Variants in FKBP6 observed in about 807,000 individuals in gnomAD.
FKBP6 encodes inactive peptidyl-prolyl cis-trans isomerase FKBP6.
FKBP6 carries 29 observed loss-of-function variants against 41.7 expected under a neutral mutation model. The observed-to-expected ratio is 0.70, with a 90% CI of 0.52 to 0.95. FKBP6 has a LOEUF of 0.95. FKBP6 is among the 40% of genes least tolerant of loss of function. The pLI, the probability that FKBP6 is intolerant of heterozygous loss-of-function variation, is 0.00. For synonymous variants in FKBP6, 130 were observed against 165.1 expected (o/e 0.79, Z 1.63); for missense variants, 338 against 408.7 (o/e 0.83, Z 1.49).
intron 5 of FKBP6, among the ~76,000 whole-genome samples, chr7:73,338,367 G>A (rs1554548889): frequency 6.6e-6 from 1 of 152,208 alleles, no homozygotes. Context: ...GGATGGCTCT[G>A]CTGCTTTTTG....
intron 5 of FKBP6, among the ~76,000 whole-genome samples, chr7:73,335,791 T>G (rs1804989433): frequency 6.6e-6 from 1 of 152,044 alleles, no homozygotes; most frequent in Non-Finnish European, 1.5e-5. Flanking sequence ...CCCTGAACCT[T>G]TGGGTTTATT....
chr7:73,349,664 A>C (rs1805434828), intron 8 of FKBP6, among the ~76,000 whole-genome samples: 1 of 147,344 alleles, frequency 6.8e-6, no homozygotes, highest in South Asian at 2.2e-4. Flanking sequence ...CAGTGAGGTC[A>C]GATTGCACCA....
chr7:73,353,131 A>T (rs1176446771), intron 8 of FKBP6, among the ~76,000 whole-genome samples: 1 of 151,550 alleles, frequency 6.6e-6, no homozygotes, highest in Non-Finnish European at 1.5e-5. Context: ...TGAATCTCTC[A>T]TTCAGCCCCT....
intron 5 of FKBP6, chr7:73,336,764 G>A (rs1554548601): frequency 6.6e-6 from 3 of 456,566 alleles, no homozygotes; most frequent in South Asian, 1.5e-5. Flanking sequence ...GTTAGGCACC[G>A]TGCTGGGTGT....
chr7:73,337,367 G>C (rs1407125375), intron 5 of FKBP6, among the ~76,000 whole-genome samples: 1 of 141,852 alleles, frequency 7.0e-6, no homozygotes, highest in East Asian at 2.2e-4. Context: ...AGGCTGGAGT[G>C]TACTGGCGCC....
intron 8 of FKBP6, among the ~76,000 whole-genome samples, chr7:73,351,003 A>G (rs946753159): frequency 1.3e-5 from 2 of 152,162 alleles, no homozygotes; most frequent in Non-Finnish European, 2.9e-5. Flanking sequence ...GAGTCTCTCA[A>G]AGTTACTTCG....
chr7:73,357,569 T>A (rs185742208), intron 8 of FKBP6, among the ~76,000 whole-genome samples: 1 of 152,120 alleles, frequency 6.6e-6, no homozygotes, highest in East Asian at 1.9e-4. Flanking sequence ...ACCACCTCAG[T>A]CTTTACTTAC....
chr7:73,342,543 G>A (rs560563967), intron 7 of FKBP6, among the ~76,000 whole-genome samples: 3 of 152,322 alleles, frequency 2.0e-5, no homozygotes, highest in African/African-American at 4.8e-5. Flanking sequence ...GACTCAGCCC[G>A]GAGCCTGGTG....
In FKBP6 at chr7:73,340,852, C is replaced by G; in HGVS notation, c.783+20C>G. 6.3e-7 allele frequency: 1 copy of G among 1,590,912 alleles called. No homozygotes were observed. Among genetic ancestry groups the G allele is most frequent in the Non-Finnish European group, 8.6e-7 (1 of 1,161,562 alleles). On this transcript the variant is annotated intron_variant, in intron 6 of 8. Coordinates refer to ENST00000252037, the MANE Select transcript of FKBP6 (RefSeq NM_003602.5). ...GGACAGGTGAGTTGGAAGCCAGTGA[C>G]TTGGGAATAAACACCCAGGAAAAGG...
chr7:73,352,509 A>G (rs959975632), intron 8 of FKBP6, among the ~76,000 whole-genome samples: 10 of 152,216 alleles, frequency 6.6e-5, no homozygotes, highest in Admixed American at 1.3e-4. Flanking sequence ...GGAGAGCATG[A>G]GTCCCCGCCA....
At chr7:73,353,424 C>G (rs1554551405) in intron 8 of FKBP6, among the ~76,000 whole-genome samples, 1 of 152,224 alleles carries the variant, frequency 6.6e-6, no homozygotes, top group Non-Finnish European at 1.5e-5. Flanking sequence ...ACTCAGCACT[C>G]TGCATCCTCA....
At chr7:73,345,009 G>A (rs1805296520) in intron 8 of FKBP6, among the ~76,000 whole-genome samples, 1 of 152,192 alleles carries the variant, frequency 6.6e-6, no homozygotes, top group Non-Finnish European at 1.5e-5. Context: ...TCTGACTATA[G>A]TAGACAGTAT....
At chr7:73,351,723 A>G (rs1364773026) in intron 8 of FKBP6, among the ~76,000 whole-genome samples, 1 of 152,092 alleles carries the variant, frequency 6.6e-6, no homozygotes, top group Non-Finnish European at 1.5e-5. Context: ...GCTTCCTGCT[A>G]AGATTTACTG....
chr7:73,342,943 A>C (rs1554549830), intron 8 of FKBP6, 44 bp downstream of exon 8: 1 of 1,305,538 alleles, frequency 7.7e-7, no homozygotes, highest in Non-Finnish European at 1.1e-6. Context: ...CGGATGGAGA[A>C]GCGTGCTGCT....
Position 73,333,310 on chromosome 7 carries a change from G to A in FKBP6, c.588+1534G>A, listed in dbSNP as rs117583881. On this transcript the variant is annotated intron_variant, in intron 5 of 8. Transcript: ENST00000252037. ...ACAAAACACCACACATGCGTGTGCT[G>A]TCTCTGGAACATACTCATATAGGCC... 4.3e-3 allele frequency among the ~76,000 whole-genome samples: 647 copies of A among 151,654 alleles called. 11 individuals carry two copies. The highest frequency in any genetic ancestry group is 0.01 in the Middle Eastern group (3 of 294).
intron 8 of FKBP6, among the ~76,000 whole-genome samples, chr7:73,350,249 G>A (rs531459524): frequency 6.6e-6 from 1 of 152,268 alleles, no homozygotes; most frequent in East Asian, 1.9e-4. Flanking sequence ...CCTGTCTTTA[G>A]TGCTTTATCA....
At chr7:73,345,854 G>A (rs1805317956) in intron 8 of FKBP6, among the ~76,000 whole-genome samples, 1 of 152,052 alleles carries the variant, frequency 6.6e-6, no homozygotes. Context: ...TCTGTTCCCG[G>A]GCCACTCCAC....
chr7:73,348,742 A>T (rs1486060441), intron 8 of FKBP6, among the ~76,000 whole-genome samples: 2 of 152,228 alleles, frequency 1.3e-5, no homozygotes, highest in African/African-American at 4.8e-5. Flanking sequence ...GGGTTGAGTC[A>T]TCTGGAATGG....
chr7:73,350,185 A>G (rs1805451287), intron 8 of FKBP6, among the ~76,000 whole-genome samples: 1 of 152,232 alleles, frequency 6.6e-6, no homozygotes, highest in South Asian at 2.1e-4. Context: ...CCATGTAGCC[A>G]TGAATAAAGA....
Sources: allele counts gnomAD v4.1 joint callset (sites outside exome capture counted in the v4.1 genomes callset), GRCh38; gene constraint gnomAD v4.1.1; transcripts MANE v1.5; gene names NCBI Gene and HGNC (gene_info 2026-07-23, HGNC 2026-07-21).